The following IQGAP2 variants were observed in gnomAD, a reference collection of about 807,000 sequenced individuals.
IQGAP2 encodes ras GTPase-activating-like protein IQGAP2.
Under a neutral mutation model 201.3 loss-of-function variants are expected in IQGAP2, and 173 were observed. That is an observed-to-expected ratio of 0.86 (90% CI 0.76 to 0.98). IQGAP2 has a LOEUF of 0.98. Among genes scored for constraint, IQGAP2 ranks in the 50% least tolerant of loss-of-function variants. The probability of loss-of-function intolerance (pLI) is 0.00; values close to 1 mark genes in which losing one functional copy is unlikely to be tolerated. For missense variants in IQGAP2, 1,687 were observed against 1,864.8 expected, an observed-to-expected ratio of 0.90 and a Z score of 1.76; for synonymous variants, 675 against 673.9, an observed-to-expected ratio of 1.00 and a Z score of -0.03.
chr5:76,625,022 A>G (rs1005271146), intron 13 of IQGAP2, among the ~76,000 whole-genome samples: 1 of 152,108 alleles, frequency 6.6e-6, no homozygotes, highest in Admixed American at 6.6e-5. Context: ...TGCAGTGAGC[A>G]AGCCTGGGTG....
Position 76,418,534 on chromosome 5 carries a change from C to T in IQGAP2, c.46+14943C>T, listed in dbSNP as rs534198309. ...GCAATGTCAGGAGACTCTGTTTCTACAAAAAATCTTTAAAAATTAGCTGTA... is the reference window on the plus strand; with the variant it reads ...GCAATGTCAGGAGACTCTGTTTCTATAAAAAATCTTTAAAAATTAGCTGTA... On this transcript the variant is annotated intron_variant, in intron 1 of 35. Coordinates refer to ENST00000274364, the MANE Select transcript of IQGAP2 (RefSeq NM_006633.5). Among the ~76,000 whole-genome samples the T allele has an allele frequency of 2.7e-5, 4 of 145,566 alleles. No individual in the cohort carries two copies. The South Asian group carries it at 8.7e-4, about 32-fold the overall frequency.
At chr5:76,516,728 G>A (rs931831519) in intron 2 of IQGAP2, among the ~76,000 whole-genome samples, 10 of 152,208 alleles carry the variant, frequency 6.6e-5, no homozygotes, top group African/African-American at 1.7e-4. Flanking sequence ...GTTAACTGAC[G>A]GTTGAACATG....
intron 28 of IQGAP2, among the ~76,000 whole-genome samples, chr5:76,678,857 A>G (rs1448972425): frequency 1.3e-5 from 2 of 152,238 alleles, no homozygotes; most frequent in Non-Finnish European, 2.9e-5. Flanking sequence ...TGTAGGTTTG[A>G]AGGAAAGATT....
chr5:76,448,867 A>C (rs902049774), intron 1 of IQGAP2, among the ~76,000 whole-genome samples: 3 of 152,198 alleles, frequency 2.0e-5, no homozygotes, highest in African/African-American at 7.2e-5. Flanking sequence ...TGAACTGTAC[A>C]TGATTCTCTT....
chr5:76,696,707 A>G (rs1746782255), intron 32 of IQGAP2, among the ~76,000 whole-genome samples: 1 of 152,310 alleles, frequency 6.6e-6, no homozygotes, highest in African/African-American at 2.4e-5. Flanking sequence ...AAGGGAAATA[A>G]CATTTCTTTC....
At chr5:76,431,393 G>A (rs1752357755) in intron 1 of IQGAP2, among the ~76,000 whole-genome samples, 1 of 151,942 alleles carries the variant, frequency 6.6e-6, no homozygotes, top group Admixed American at 6.6e-5. Flanking sequence ...TTTTCTTCCT[G>A]GGACTGTTAC....
At chr5:76,481,423 C>G (rs1755789376) in intron 2 of IQGAP2, among the ~76,000 whole-genome samples, 1 of 151,148 alleles carries the variant, frequency 6.6e-6, no homozygotes, top group Admixed American at 6.6e-5. Context: ...CGCTCTGTTG[C>G]TCAGGCTGGA....
chr5:76,707,062 A>G (rs1217916464), intron 35 of IQGAP2, 138 bp from the exon 36 acceptor site: 1 of 611,684 alleles, frequency 1.6e-6, no homozygotes, highest in Non-Finnish European at 2.9e-6. Flanking sequence ...TTTGAGACCA[A>G]CCTGGGCAAC....
intron 2 of IQGAP2, among the ~76,000 whole-genome samples, chr5:76,470,342 G>A (rs1050715594): frequency 6.6e-6 from 1 of 152,150 alleles, no homozygotes; most frequent in African/African-American, 2.4e-5. Context: ...CATGCTCAAG[G>A]GGAGGAGTTT....
intron 4 of IQGAP2, among the ~76,000 whole-genome samples, chr5:76,575,363 G>A (rs1745399510): frequency 6.6e-6 from 1 of 152,210 alleles, no homozygotes; most frequent in South Asian, 2.1e-4. Flanking sequence ...TCACAGGAGT[G>A]TGAAGGCTAC....
In IQGAP2 at chr5:76,423,130, C is replaced by T. The variant is rs143966629; in HGVS notation, c.46+19539C>T. Among the ~76,000 whole-genome samples the T allele has an allele frequency of 9.0e-4, 137 of 152,196 alleles. 1 individual carries two copies. The highest frequency in any genetic ancestry group is 3.4e-3 in the Middle Eastern group (1 of 294). ...CATTTTATTAGTTTCCTGTTTGTTC[C>T]TGCTATAAAAAATTACCACTAATCA... On this transcript the variant is annotated intron_variant, in intron 1 of 35. Coordinates refer to ENST00000274364, the MANE Select transcript of IQGAP2 (RefSeq NM_006633.5).
At chr5:76,427,390 C>G (rs1752070914) in intron 1 of IQGAP2, among the ~76,000 whole-genome samples, 1 of 152,160 alleles carries the variant, frequency 6.6e-6, no homozygotes, top group South Asian at 2.1e-4. Context: ...ATGAAATACC[C>G]TCACTTTCAT....
chr5:76,465,516 A>G (rs1286245392), intron 2 of IQGAP2, among the ~76,000 whole-genome samples: 2 of 152,242 alleles, frequency 1.3e-5, no homozygotes, highest in Non-Finnish European at 2.9e-5. Context: ...ATTGTACTGG[A>G]GATTTTAGCC....
At chr5:76,617,783 C>T in intron 13 of IQGAP2, 1 of 1,613,528 alleles carries the variant, frequency 6.2e-7, no homozygotes, top group Non-Finnish European at 8.5e-7. Flanking sequence ...TGGTAAAAAT[C>T]ACAAGGATGA....
At chr5:76,644,214 A>G (rs544761359) in intron 17 of IQGAP2, among the ~76,000 whole-genome samples, 32 of 152,128 alleles carry the variant, frequency 2.1e-4, no homozygotes, top group African/African-American at 7.5e-4. Flanking sequence ...CTAGAAAACA[A>G]AACAAATAAG....
intron 17 of IQGAP2, among the ~76,000 whole-genome samples, chr5:76,648,292 A>G (rs1273402480): frequency 1.3e-5 from 2 of 152,152 alleles, no homozygotes; most frequent in African/African-American, 2.4e-5. Context: ...ATGTTTGTTT[A>G]TATAGACAGA....
chr5:76,577,753 A>G (rs1023436046), intron 5 of IQGAP2, among the ~76,000 whole-genome samples: 1 of 152,214 alleles, frequency 6.6e-6, no homozygotes, highest in African/African-American at 2.4e-5. Context: ...TAATAAATAC[A>G]GTGGGTTTGA....
At chr5:76,584,985 A>G (rs2134190) in intron 5 of IQGAP2, among the ~76,000 whole-genome samples, 86,887 of 152,086 alleles carry the variant, frequency 0.57, 25,877 homozygotes, top group East Asian at 0.76. Context: ...ATTTATACAC[A>G]GAAGAACCAA....
intron 1 of IQGAP2, among the ~76,000 whole-genome samples, chr5:76,433,891 G>A (rs1752513472): frequency 2.6e-5 from 4 of 152,068 alleles, no homozygotes; most frequent in Admixed American, 2.6e-4. Context: ...GAAACCCTAG[G>A]GAAAAGTTTC....
Sources: allele counts gnomAD v4.1 joint callset (sites outside exome capture counted in the v4.1 genomes callset), GRCh38; gene constraint gnomAD v4.1.1; transcripts MANE v1.5; gene names NCBI Gene and HGNC (gene_info 2026-07-23, HGNC 2026-07-21).